Variants in PCDHAC1 observed in about 807,000 individuals in gnomAD.
PCDHAC1 encodes the protein protocadherin alpha subfamily C, 1, also known as protocadherin alpha-C1.
Under a neutral mutation model 60.0 loss-of-function variants are expected in PCDHAC1, and 42 were observed. That is an observed-to-expected ratio of 0.70 (90% CI 0.55 to 0.90). The LOEUF (loss-of-function observed/expected upper bound fraction) is 0.90. Ranked by LOEUF, PCDHAC1 falls within the 40% of genes least tolerant of loss-of-function variation. PCDHAC1 has a pLI of 0.00. For missense variants in PCDHAC1, 1,160 were observed against 1,222.3 expected, an observed-to-expected ratio of 0.95 and a Z score of 0.76; for synonymous variants, 468 against 499.3, an observed-to-expected ratio of 0.94 and a Z score of 0.84.
intron 1 of PCDHAC1, among the ~76,000 whole-genome samples, chr5:140,935,894 CTTTTTTTT>C (rs55841305): frequency 1.5e-5 from 2 of 136,750 alleles, no homozygotes; most frequent in African/African-American, 5.4e-5. Context: ...TCAATATTAT[CTTTTTTTT>C]TTTTTTTTGA....
rs1430300644 is a variant in PCDHAC1 at position 141,011,992 on chromosome 5, C to T, written c.*2055C>T. 6.5e-6 allele frequency: 1 copy of T among 153,658 alleles called. No individual in the cohort carries two copies. The highest frequency in any genetic ancestry group is 1.5e-5 in the Non-Finnish European group (1 of 68,022). 9.5% of individuals were successfully genotyped at this position (153,658 alleles called of 1,614,324 possible). ...TGTCTTGTCTACTTTTAGCTTCATTCTCCCATATTTTGAAGGGTGTGTAAC... is the reference window on the plus strand; with the variant it reads ...TGTCTTGTCTACTTTTAGCTTCATTTTCCCATATTTTGAAGGGTGTGTAAC... On this transcript the variant is annotated 3_prime_UTR_variant, in exon 4 of 4. Transcript: ENST00000253807.
rs1554204297 is a variant in PCDHAC1 at position 140,927,281 on chromosome 5, A to G, written c.389A>G (p.Gln130Arg). 1 of 1,614,172 alleles carries G rather than the reference A, an allele frequency of 6.2e-7. No individual in the cohort carries two copies. The highest frequency in any genetic ancestry group is 8.5e-7 in the Non-Finnish European group (1 of 1,180,024). ...NSPLFPAGDV[Q>R]LHIPEFLTPG... is the part of the protein sequence containing the mutation. ...CCTCTCTTTCCTGCCGGCGACGTGC[A>G]GCTGCACATCCCCGAGTTCCTGACG... is the stretch of plus-strand genomic sequence containing the variant. Residue 130 changes from glutamine to arginine, a missense_variant, in exon 1 of 4, where the codon CAG (glutamine) becomes CGG (arginine). By Grantham distance (43) the Gln-to-Arg change is conservative. This residue lies in a region of PCDHAC1 where 1,113 missense variants were observed against 1,163.7 expected (regional missense o/e 0.96). Transcript: ENST00000253807.
chr5:141,003,708 A>T (rs1251126675), intron 3 of PCDHAC1, among the ~76,000 whole-genome samples: 1 of 152,218 alleles, frequency 6.6e-6, no homozygotes, highest in Non-Finnish European at 1.5e-5. Flanking sequence ...CCAATTGTGA[A>T]GATATCGGCT....
At chr5:141,005,313 T>C (rs1157761147) in intron 3 of PCDHAC1, among the ~76,000 whole-genome samples, 1 of 151,958 alleles carries the variant, frequency 6.6e-6, no homozygotes, top group Non-Finnish European at 1.5e-5. Flanking sequence ...AATCTTACAG[T>C]GGTAGAGAAT....
intron 3 of PCDHAC1, among the ~76,000 whole-genome samples, chr5:141,004,805 A>G (rs1588069791): frequency 6.6e-6 from 1 of 152,310 alleles, no homozygotes; most frequent in African/African-American, 2.4e-5. Flanking sequence ...GCTGAGCTCA[A>G]TTGCAGATTT....
chr5:140,969,585 T>A (rs2096344806), intron 1 of PCDHAC1: 1 of 896,450 alleles, frequency 1.1e-6, no homozygotes, highest in Admixed American at 3.0e-5. Flanking sequence ...TGAGGATTAG[T>A]CTTAATATTT....
Position 140,926,754 on chromosome 5 carries a change from C to G in PCDHAC1, c.-139C>G. ...TCGGGAGGCGCAACGTCGGCGGTCG[C>G]TGAGTATCCAGCCCGCAGCAGTGAC... On this transcript the variant is annotated 5_prime_UTR_variant, in exon 1 of 4. Coordinates refer to ENST00000253807, the MANE Select transcript of PCDHAC1 (RefSeq NM_018898.5). The G allele has an allele frequency of 7.8e-7, 1 of 1,283,492 alleles. No homozygotes were observed. The highest frequency in any genetic ancestry group is 2.2e-5 in the South Asian group (1 of 45,014). The allele number at this position is 1,283,492 out of a possible 1,614,324, so 79.5% of individuals were successfully genotyped here.
chr5:140,969,408 T>C (rs2096327357), intron 1 of PCDHAC1: 6 of 1,573,824 alleles, frequency 3.8e-6, no homozygotes, highest in Non-Finnish European at 5.2e-6. Flanking sequence ...GATTTGGCTT[T>C]ATTGAGTCAT....
At chr5:140,955,241 A>T (rs1554221829) in intron 1 of PCDHAC1, among the ~76,000 whole-genome samples, 1 of 152,114 alleles carries the variant, frequency 6.6e-6, no homozygotes, top group East Asian at 1.9e-4. Context: ...TTTGCTTAGG[A>T]TCGGCTTGGC....
At position 140,929,152 on chromosome 5, in the gene PCDHAC1, T is replaced by TA. The variant is rs1322546333; in HGVS notation, c.2261dup (p.Tyr754Ter). Residue 754 changes from tyrosine (Y) to a stop codon, truncating the protein, a stop_gained and frameshift_variant, in exon 1 of 4, where the codon TAT becomes TAAT. Transcript: ENST00000253807. LOFTEE classifies it high-confidence loss of function. ...TACAGTTGAGAGACTTTCTCAGACT[T>TA]ATCTCTATCGGGCCTCTCTGGGACT... ...VTTVERLSQT[Y>*]LYRASLGLGS... The TA allele has an allele frequency of 2.5e-6, 4 of 1,614,072 alleles. No homozygotes were observed. The highest frequency in any genetic ancestry group is 3.4e-6 in the Non-Finnish European group (4 of 1,180,040).
At chr5:140,966,568 G>A (rs2096022635) in intron 1 of PCDHAC1, 1 of 499,094 alleles carries the variant, frequency 2.0e-6, no homozygotes, top group African/African-American at 2.0e-5. Flanking sequence ...CTGGAATATG[G>A]GGAGTCAGCG....
In PCDHAC1 at chr5:140,936,771, C is replaced by A. The variant is rs182480245; in HGVS notation, c.2433+7446C>A. Among the ~76,000 whole-genome samples, 20 of 152,230 alleles carry A rather than the reference C, an allele frequency of 1.3e-4. No individual in the cohort carries two copies. In the East Asian group the frequency reaches 3.5e-3, roughly 26 times the overall value. On this transcript the variant is annotated intron_variant, in intron 1 of 3. Coordinates refer to ENST00000253807, the MANE Select transcript of PCDHAC1 (RefSeq NM_018898.5). ...GTATTGATATCTAATTGTGTAAGTT[C>A]TCTCACTTTGTTATTCTGCTTCAAG...
At chr5:140,993,450 CTTCT>C (rs1279887965) in intron 3 of PCDHAC1, among the ~76,000 whole-genome samples, 2 of 137,074 alleles carry the variant, frequency 1.5e-5, no homozygotes, top group South Asian at 2.5e-4. Flanking sequence ...TCCTGTTCTC[CTTCT>C]TTCTTTCTCA....
intron 1 of PCDHAC1, among the ~76,000 whole-genome samples, chr5:140,973,873 G>A (rs546928847): frequency 3.3e-5 from 5 of 152,292 alleles, no homozygotes; most frequent in African/African-American, 1.2e-4. Flanking sequence ...TGAGAGGTCA[G>A]AATAATGTCA....
intron 3 of PCDHAC1, among the ~76,000 whole-genome samples, chr5:140,985,608 G>T (rs76669319): frequency 6.6e-6 from 1 of 152,052 alleles, no homozygotes; most frequent in Non-Finnish European, 1.5e-5. Context: ...AGCCCTTTCC[G>T]TGAACCAGCT....
Position 140,928,944 on chromosome 5 carries a change from A to C in PCDHAC1, c.2052A>C (p.Leu684Phe), listed in dbSNP as rs782627710. The C allele has an allele frequency of 6.2e-6, 10 of 1,614,070 alleles. No homozygotes were observed. In the Admixed American group the frequency reaches 1.7e-4, roughly 27 times the overall value. The change falls in exon 1 of 4, where the codon TTA becomes TTC. Residue 684 changes from leucine to phenylalanine, a missense_variant. Leu to Phe is a conservative substitution (Grantham distance 22). Transcript: ENST00000253807. ...AGCTTTCTGCCCAGAACTTGTATTTAGTAATTGCCTTGGCTTGTATTTCCT... is the reference window on the plus strand; with the variant it reads ...AGCTTTCTGCCCAGAACTTGTATTTCGTAATTGCCTTGGCTTGTATTTCCT... The part of the protein sequence containing the change: ...GGQLSAQNLY[L>F]VIALACISFL...
At chr5:141,002,532 C>T (rs571310813) in intron 3 of PCDHAC1, among the ~76,000 whole-genome samples, 26 of 152,270 alleles carry the variant, frequency 1.7e-4, no homozygotes, top group African/African-American at 6.0e-4. Flanking sequence ...AGTCAGACTC[C>T]CTAGATTTGA....
intron 1 of PCDHAC1, among the ~76,000 whole-genome samples, chr5:140,970,213 A>AAAT (rs1198069658): frequency 6.6e-5 from 10 of 152,242 alleles, no homozygotes; most frequent in Admixed American, 2.0e-4. Context: ...AATTTAGCTT[A>AAAT]AATGCAGCCT....
intron 1 of PCDHAC1, among the ~76,000 whole-genome samples, chr5:140,957,371 T>G (rs1465346844): frequency 3.3e-5 from 5 of 152,206 alleles, no homozygotes; most frequent in Non-Finnish European, 7.4e-5. Context: ...AAACTTTTAT[T>G]ATAGTGTATT....
Sources: allele counts gnomAD v4.1 joint callset (sites outside exome capture counted in the v4.1 genomes callset), GRCh38; gene constraint gnomAD v4.1.1; regional missense constraint gnomAD v4.1.1; transcripts MANE v1.5; gene names NCBI Gene and HGNC (gene_info 2026-07-23, HGNC 2026-07-21).